PRMT8: variants seen among roughly 807,000 people sequenced by gnomAD.
The protein encoded by PRMT8 is protein arginine N-methyltransferase 8.
PRMT8 carries 7 observed loss-of-function variants against 47.1 expected under a neutral mutation model. That is an observed-to-expected ratio of 0.15 (90% confidence interval 0.08 to 0.28). The LOEUF is 0.28. PRMT8 is among the 10% of genes least tolerant of loss of function. The pLI is 1.00. For missense variants in PRMT8, 237 were observed against 505.4 expected, an observed-to-expected ratio of 0.47 and a Z score of 5.09; for synonymous variants, 188 against 186.5, an observed-to-expected ratio of 1.01 and a Z score of -0.07.
chr12:3,423,638 A>G (rs1397459508), intron 1 of PRMT8, among the ~76,000 whole-genome samples: 1 of 152,194 alleles, frequency 6.6e-6, no homozygotes, highest in Non-Finnish European at 1.5e-5. Context: ...TGGTCAGGTA[A>G]TTTGGTGTAA....
At chr12:3,441,080 T>C (rs1024851200) in intron 1 of PRMT8, among the ~76,000 whole-genome samples, 1 of 152,210 alleles carries the variant, frequency 6.6e-6, no homozygotes, top group Admixed American at 6.5e-5. Context: ...GTTTGATATA[T>C]GGGATATTTG....
chr12:3,440,256 C>T (rs963786869), intron 1 of PRMT8, among the ~76,000 whole-genome samples: 10 of 152,020 alleles, frequency 6.6e-5, no homozygotes, highest in East Asian at 1.9e-4. Context: ...GTCAGGAGAT[C>T]GAGACCATCC....
rs891812735 is a variant in PRMT8, at chr12:3,514,728, G to A, written c.75+23028G>A. On this transcript the variant is annotated intron_variant, in intron 1 of 9. Coordinates refer to ENST00000382622, the MANE Select transcript of PRMT8 (RefSeq NM_019854.5). This position sits in a 1 kb window ranked among gnomAD's most constrained non-coding sequence, Gnocchi z 5.9. ...CAGGAGCACCAGTGGGAGGGTGGGG[G>A]AGGGAGGGGCATTGATTCCCTCGGC... 6.6e-6 allele frequency among the ~76,000 whole-genome samples: 1 copy of A among 150,626 alleles called. No individual in the cohort carries two copies. The highest frequency in any genetic ancestry group is 1.5e-5 in the Non-Finnish European group (1 of 67,604).
At chr12:3,487,304 C>A (rs901570395), upstream of PRMT8, among the ~76,000 whole-genome samples, 4 of 152,172 alleles carry the variant, frequency 2.6e-5, no homozygotes, top group African/African-American at 7.2e-5. Context: ...TCAGCAGCAA[C>A]GACCATTGGA....
chr12:3,540,843 T>G (rs779806063), intron 2 of PRMT8, 52 bp downstream of exon 2: 2 of 1,558,842 alleles, frequency 1.3e-6, no homozygotes, highest in Non-Finnish European at 1.8e-6. Context: ...TCTGCTGTTC[T>G]GTTGTTTTCA....
chr12:3,428,604 GT>G (rs1029124159), intron 1 of PRMT8, among the ~76,000 whole-genome samples: 87 of 151,724 alleles, frequency 5.7e-4, no homozygotes, highest in African/African-American at 1.9e-3. Context: ...TCAATTATAC[GT>G]TTTAAATTTA....
intron 8 of PRMT8, among the ~76,000 whole-genome samples, chr12:3,590,937 C>T (rs1029180386): frequency 4.6e-5 from 7 of 152,070 alleles, no homozygotes; most frequent in South Asian, 2.1e-4. Flanking sequence ...TGCAGACAAA[C>T]GGGGATGGGG....
At chr12:3,448,770 A>G (rs1864885794) in intron 1 of PRMT8, among the ~76,000 whole-genome samples, 1 of 152,224 alleles carries the variant, frequency 6.6e-6, no homozygotes, top group Non-Finnish European at 1.5e-5. Flanking sequence ...ATACATGTGT[A>G]GGACATGCAG....
At position 3,572,514 on chromosome 12, in the gene PRMT8, A is replaced by G. The variant is rs186378164; in HGVS notation, c.712+2950A>G. On this transcript the variant is annotated intron_variant, in intron 6 of 9. Coordinates refer to ENST00000382622, the MANE Select transcript of PRMT8 (RefSeq NM_019854.5). The surrounding 1 kb of genome is among the most constrained non-coding windows in gnomAD (Gnocchi z 5.9). ...ATGAGAAGACTGAAAGAAAGACCTC[A>G]TGCAGAGGTGGCAGTGCTTATAGCT... Among the ~76,000 whole-genome samples the G allele has an allele frequency of 6.6e-6, 1 of 152,338 alleles. No homozygotes were observed. The highest frequency in any genetic ancestry group is 1.5e-5 in the Non-Finnish European group (1 of 68,020).
chr12:3,579,346 G>A (rs1401511548), intron 7 of PRMT8, among the ~76,000 whole-genome samples: 2 of 152,082 alleles, frequency 1.3e-5, no homozygotes, highest in East Asian at 1.9e-4. Flanking sequence ...TTGCACTGCC[G>A]GACACGTCAG....
intron 1 of PRMT8, among the ~76,000 whole-genome samples, chr12:3,465,953 G>T (rs1017705341): frequency 2.0e-5 from 3 of 152,154 alleles, no homozygotes; most frequent in African/African-American, 7.2e-5. Flanking sequence ...AATGCCCAGA[G>T]AGAAACTCTA....
At chr12:3,533,022 AAC>A (rs1866057412) in intron 1 of PRMT8, among the ~76,000 whole-genome samples, 1 of 152,142 alleles carries the variant, frequency 6.6e-6, no homozygotes, top group African/African-American at 2.4e-5. Flanking sequence ...GTTTCCAGGA[AAC>A]ACAGCCTTGA....
chr12:3,398,615 A>G (rs913495597), intron 1 of PRMT8, among the ~76,000 whole-genome samples: 10 of 152,178 alleles, frequency 6.6e-5, no homozygotes, highest in African/African-American at 1.9e-4. Flanking sequence ...TGACTTCACT[A>G]TGCTGCTCAT....
intron 1 of PRMT8, among the ~76,000 whole-genome samples, chr12:3,437,777 G>A (rs894039060): frequency 1.3e-5 from 2 of 151,994 alleles, no homozygotes; most frequent in African/African-American, 4.8e-5. Context: ...CTCTAAGGTC[G>A]TCTAGCCTCA....
chr12:3,412,257 TA>T (rs1185917762), intron 1 of PRMT8, among the ~76,000 whole-genome samples: 1 of 152,194 alleles, frequency 6.6e-6, no homozygotes, highest in Non-Finnish European at 1.5e-5. Flanking sequence ...AAATATGGTA[TA>T]AAAAGTTAAA....
Position 3,464,122 on chromosome 12 carries a change from C to T in PRMT8, c.49-76484C>T, listed in dbSNP as rs533976454. On this transcript the variant is annotated intron_variant, in intron 1 of 9. Coordinates refer to the PRMT8 transcript ENST00000452611. ...TAGCGACCTTTGAGAGCAATGTGAA[C>T]GGCACGTTATTTTTATTAAGGAACA... Among the ~76,000 whole-genome samples the T allele has an allele frequency of 5.5e-4, 84 of 151,978 alleles. 1 individual carries two copies. The highest frequency in any genetic ancestry group is 1.7e-3 in the African/African-American group (70 of 41,344).
intron 1 of PRMT8, among the ~76,000 whole-genome samples, chr12:3,384,264 T>C (rs1303231999): frequency 2.6e-5 from 4 of 152,126 alleles, no homozygotes; most frequent in Non-Finnish European, 4.4e-5. Context: ...TTTTTTTTTT[T>C]TTCTGAGAGT....
chr12:3,408,681 G>A (rs1226371003), intron 1 of PRMT8, among the ~76,000 whole-genome samples: 2 of 152,028 alleles, frequency 1.3e-5, no homozygotes, highest in Admixed American at 6.5e-5. Flanking sequence ...TGTGCATCTG[G>A]TGGAACAGCT....
chr12:3,523,060 C>T (rs1004314704), intron 1 of PRMT8, among the ~76,000 whole-genome samples: 1 of 152,086 alleles, frequency 6.6e-6, no homozygotes, highest in African/African-American at 2.4e-5. Flanking sequence ...CCTCCACCCC[C>T]CAAACCATAA....
Sources: allele counts gnomAD v4.1 joint callset (sites outside exome capture counted in the v4.1 genomes callset), GRCh38; gene constraint gnomAD v4.1.1; non-coding constraint Gnocchi (gnomAD v3.1); transcripts MANE v1.5; gene names NCBI Gene and HGNC (gene_info 2026-07-23, HGNC 2026-07-21).